Variants in DPH6 observed in about 807,000 individuals in gnomAD.
DPH6 encodes diphthamine biosynthesis 6, also known as diphthine--ammonia ligase.
DPH6 carries 33 observed loss-of-function variants against 38.2 expected under a neutral mutation model. The ratio of observed to expected loss-of-function variants is 0.86; its 90% CI spans 0.65 to 1.15. The LOEUF (loss-of-function observed/expected upper bound fraction) is 1.15, where lower values mean the gene tolerates loss of function less well. DPH6 is among the 50% of genes most tolerant of loss of function. DPH6 has a pLI of 0.00. For missense variants in DPH6, 325 were observed against 320.0 expected (o/e 1.02, Z -0.12); for synonymous variants, 108 against 103.0 (o/e 1.05, Z -0.30).
chr15:35,485,695 T>A (rs988788996), intron 3 of DPH6, among the ~76,000 whole-genome samples: 3 of 152,208 alleles, frequency 2.0e-5, no homozygotes, highest in African/African-American at 7.2e-5. Context: ...ATAACTTGTT[T>A]GGATATAATA....
chr15:35,439,768 G>T (rs1184733106), intron 5 of DPH6, among the ~76,000 whole-genome samples: 3 of 151,704 alleles, frequency 2.0e-5, no homozygotes, highest in East Asian at 3.9e-4. Context: ...CCCATGGCAG[G>T]GCTTGGCTTT....
intron 3 of DPH6, among the ~76,000 whole-genome samples, chr15:35,297,968 C>T (rs2140796681): frequency 6.6e-6 from 1 of 152,296 alleles, no homozygotes. Context: ...ATTCTACCTC[C>T]AGATTATGTG....
chr15:35,520,091 A>G (rs1232592597), intron 3 of DPH6: 2 of 166,326 alleles, frequency 1.2e-5, no homozygotes, highest in Non-Finnish European at 2.5e-5. Flanking sequence ...CAATTCTTCC[A>G]TAATTCTATC....
chr15:35,373,389 G>T, intron 8 of DPH6, 132 bp downstream of exon 8: 1 of 720,304 alleles, frequency 1.4e-6, no homozygotes, highest in Non-Finnish European at 2.1e-6. Context: ...CTGAGGAGCT[G>T]AAAAAAAACC....
chr15:35,500,465 C>T (rs967417849), intron 3 of DPH6, among the ~76,000 whole-genome samples: 1 of 152,116 alleles, frequency 6.6e-6, no homozygotes, highest in African/African-American at 2.4e-5. Flanking sequence ...AGCACTAGGG[C>T]TATTTTTAAA....
chr15:35,437,719 C>T (rs138869042), intron 5 of DPH6, among the ~76,000 whole-genome samples: 43 of 152,338 alleles, frequency 2.8e-4, no homozygotes, highest in African/African-American at 9.1e-4. Flanking sequence ...TAGTACTCCA[C>T]AGGCCTGTTG....
chr15:35,437,607 T>G (rs1334777718), intron 5 of DPH6, among the ~76,000 whole-genome samples: 1 of 152,180 alleles, frequency 6.6e-6, no homozygotes, highest in Non-Finnish European at 1.5e-5. Context: ...TGAAAAAGGA[T>G]TTGTGAGGCT....
At chr15:35,305,419 C>T (rs1297352480) in intron 3 of DPH6, among the ~76,000 whole-genome samples, 6 of 151,770 alleles carry the variant, frequency 4.0e-5, no homozygotes, top group African/African-American at 1.2e-4. Flanking sequence ...TTCCAAATCT[C>T]GTATGTTTTT....
chr15:35,267,967 A>G (rs1461614710), intron 3 of DPH6, among the ~76,000 whole-genome samples: 2 of 152,012 alleles, frequency 1.3e-5, no homozygotes, highest in Non-Finnish European at 2.9e-5. Flanking sequence ...TCAGGAGATC[A>G]AGACCATCCT....
At chr15:35,340,943 G>A (rs1308978621) in intron 3 of DPH6, among the ~76,000 whole-genome samples, 1 of 152,114 alleles carries the variant, frequency 6.6e-6, no homozygotes, top group East Asian at 1.9e-4. Flanking sequence ...GGTTGGGGAA[G>A]TTCTCCTGGA....
chr15:35,477,782 G>A (rs934818949), intron 3 of DPH6, among the ~76,000 whole-genome samples: 3 of 151,798 alleles, frequency 2.0e-5, no homozygotes, highest in African/African-American at 4.8e-5. Flanking sequence ...TCCAGCCATC[G>A]TAGGGTTCAG....
At chr15:35,225,763 C>T (rs1429754429) in intron 3 of DPH6, among the ~76,000 whole-genome samples, 2 of 152,168 alleles carry the variant, frequency 1.3e-5, no homozygotes, top group African/African-American at 2.4e-5. Context: ...ATTTACTTAT[C>T]TTTGAACTAA....
intron 3 of DPH6, among the ~76,000 whole-genome samples, chr15:35,244,656 A>AT (rs1670603862): frequency 6.6e-6 from 1 of 152,302 alleles, no homozygotes; most frequent in Non-Finnish European, 1.5e-5. Flanking sequence ...CCAGAAGAGT[A>AT]TTTTTTCAAG....
chr15:35,180,392 AACACACACAC>A, the DPH6 span, among the ~76,000 whole-genome samples: 11,560 of 140,450 alleles, frequency 0.082, 514 homozygotes, highest in African/African-American at 0.13. Flanking sequence ...TTGGTTTTAA[AACACACACAC>A]ACACACACAC....
intron 3 of DPH6, chr15:35,489,929 T>C: frequency 1.0e-6 from 1 of 974,040 alleles, no homozygotes; most frequent in Non-Finnish European, 1.2e-6. Flanking sequence ...TTTTTAAAAG[T>C]ATCAAAAAGA....
the DPH6 span, among the ~76,000 whole-genome samples, chr15:35,171,433 AT>A: frequency 1.3e-5 from 2 of 152,252 alleles, no homozygotes; most frequent in Non-Finnish European, 2.9e-5. Context: ...TATTTAGTAA[AT>A]TAAAAATTAT....
intron 3 of DPH6, among the ~76,000 whole-genome samples, chr15:35,359,471 G>T (rs1209502106): frequency 1.3e-5 from 2 of 152,172 alleles, no homozygotes; most frequent in Non-Finnish European, 2.9e-5. Context: ...TTTACTCCCT[G>T]CTTCTCTCCC....
intron 3 of DPH6, among the ~76,000 whole-genome samples, chr15:35,536,142 T>A (rs1206531050): frequency 6.6e-6 from 1 of 152,008 alleles, no homozygotes; most frequent in Non-Finnish European, 1.5e-5. Flanking sequence ...AAATTATAGC[T>A]TTTCTAGATT....
chr15:35,484,313 A>T lies in DPH6; in HGVS notation c.313-29493T>A, dbSNP rs565149974. 5.9e-5 allele frequency among the ~76,000 whole-genome samples: 9 copies of T among 152,366 alleles called. No individual in the cohort carries two copies. In the South Asian group the frequency reaches 1.2e-3, roughly 21 times the overall value. ...GCTAAAATGTGTTAGCTTAAAACAA[A>T]TACTTATTAATTCACAGATTCTGTG... is the stretch of plus-strand genomic sequence containing the variant. On this transcript the variant is annotated intron_variant, in intron 3 of 8. Coordinates refer to ENST00000256538, the MANE Select transcript of DPH6 (RefSeq NM_080650.4).
Sources: gnomAD v4.1 joint callset for allele counts (sites outside exome capture counted in the v4.1 genomes callset) on GRCh38, gnomAD v4.1.1 for gene constraint, MANE v1.5 for transcripts, NCBI Gene and HGNC (gene_info 2026-07-23, HGNC 2026-07-21) for gene names.